Variants in LDAH observed in about 807,000 individuals in gnomAD.
LDAH encodes the protein lipid droplet associated hydrolase.
Under a neutral mutation model 29.6 loss-of-function variants are expected in LDAH, and 26 were observed. The observed-to-expected ratio is 0.88, with a 90% CI of 0.64 to 1.22. The LOEUF (loss-of-function observed/expected upper bound fraction) is 1.22. Among genes scored for constraint, LDAH ranks in the 50% most tolerant of loss-of-function variants. LDAH has a pLI of 0.00. For missense variants in LDAH, 344 were observed against 387.3 expected (o/e 0.89, Z 0.94); for synonymous variants, 117 against 133.0 (o/e 0.88, Z 0.83).
At chr2:20,762,622 T>C (rs781037793) in intron 4 of LDAH, among the ~76,000 whole-genome samples, 22 of 152,232 alleles carry the variant, frequency 1.4e-4, no homozygotes, top group Non-Finnish European at 3.2e-4. Context: ...AGTATACTAC[T>C]ATATACTAAT....
chr2:20,822,129 CTT>C (rs11315806), intron 1 of LDAH, among the ~76,000 whole-genome samples: 198 of 136,652 alleles, frequency 1.4e-3, no homozygotes, highest in Non-Finnish European at 1.6e-3. Flanking sequence ...ACTATCAACT[CTT>C]TTTTTTTTTT....
At chr2:20,741,995 T>C (rs682961) in intron 4 of LDAH, among the ~76,000 whole-genome samples, 90,193 of 152,026 alleles carry the variant, frequency 0.59, 28,129 homozygotes, top group South Asian at 0.8. Flanking sequence ...TGCAGCATCC[T>C]ATAAATTTTG....
intron 2 of LDAH, among the ~76,000 whole-genome samples, chr2:20,798,094 C>T (rs970583936): frequency 6.6e-6 from 1 of 152,190 alleles, no homozygotes; most frequent in African/African-American, 2.4e-5. Context: ...CCATTAACGC[C>T]CTCCATTTTC....
Position 20,685,777 on chromosome 2 carries a change from AT to A in LDAH, c.*1125del, listed in dbSNP as rs1272480234. On this transcript the variant is annotated 3_prime_UTR_variant, in exon 7 of 7. Transcript: ENST00000237822. ...GTCAGCCCACTCTAGGCCAGGGAAT[AT>A]GTGTCTTCTCTGCCATACCTCAATG... 1 of 1,236,346 alleles carries A rather than the reference AT, an allele frequency of 8.1e-7. No homozygotes were observed. Among genetic ancestry groups the A allele is most frequent in the African/African-American group, 1.5e-5 (1 of 66,072 alleles). The allele number at this position is 1,236,346 out of a possible 1,614,324, so 76.6% of individuals were successfully genotyped here. A position where few individuals can be genotyped will look rare whatever the true frequency, so the allele number is the denominator to read the frequency against.
intron 5 of LDAH, among the ~76,000 whole-genome samples, chr2:20,721,693 A>G (rs1665661879): frequency 6.6e-6 from 1 of 152,204 alleles, no homozygotes; most frequent in Non-Finnish European, 1.5e-5. Context: ...TTGGGAATGT[A>G]AAGTAGTATA....
intron 6 of LDAH, among the ~76,000 whole-genome samples, chr2:20,690,626 G>A (rs340597): frequency 0.082 from 12,534 of 152,150 alleles, 582 homozygotes; most frequent in African/African-American, 0.13. Context: ...AGATCTGACC[G>A]GAGAACTCCG....
chr2:20,795,996 C>G (rs1056610761), intron 2 of LDAH, among the ~76,000 whole-genome samples: 4 of 147,520 alleles, frequency 2.7e-5, no homozygotes, highest in Non-Finnish European at 6.0e-5. Context: ...AAATACAATT[C>G]TAAATCCCAC....
At chr2:20,767,185 G>A (rs1289062334) in intron 4 of LDAH, among the ~76,000 whole-genome samples, 1 of 152,208 alleles carries the variant, frequency 6.6e-6, no homozygotes, top group Non-Finnish European at 1.5e-5. Flanking sequence ...GTGAGGGGGT[G>A]CAGCTGGGCT....
At chr2:20,814,235 G>A (rs1007634772) in intron 1 of LDAH, among the ~76,000 whole-genome samples, 5 of 150,336 alleles carry the variant, frequency 3.3e-5, no homozygotes, top group African/African-American at 9.8e-5. Flanking sequence ...ACAATGGGGG[G>A]GGGGGGTCCA....
intron 4 of LDAH, among the ~76,000 whole-genome samples, chr2:20,762,022 T>C (rs1207814406): frequency 4.6e-5 from 7 of 152,018 alleles, no homozygotes; most frequent in South Asian, 2.1e-4. Context: ...ATCAAGCTTT[T>C]CCATGTGTGA....
intron 4 of LDAH, among the ~76,000 whole-genome samples, chr2:20,743,554 A>C (rs1667353561): frequency 6.6e-6 from 1 of 152,146 alleles, no homozygotes; most frequent in African/African-American, 2.4e-5. Context: ...ATAACATATA[A>C]ACATACAAAA....
chr2:20,814,116 A>G (rs963400101), intron 1 of LDAH, among the ~76,000 whole-genome samples: 1 of 152,084 alleles, frequency 6.6e-6, no homozygotes, highest in Non-Finnish European at 1.5e-5. Flanking sequence ...TAATACAGAA[A>G]CCATCTTTTC....
chr2:20,768,715 T>C (rs1194124214), intron 4 of LDAH, among the ~76,000 whole-genome samples: 1 of 152,188 alleles, frequency 6.6e-6, no homozygotes, highest in East Asian at 1.9e-4. Flanking sequence ...AAAGATCCTG[T>C]AACACTCCTT....
chr2:20,805,264 C>T (rs1671983279), intron 1 of LDAH, among the ~76,000 whole-genome samples: 1 of 152,150 alleles, frequency 6.6e-6, no homozygotes, highest in Admixed American at 6.5e-5. Context: ...TCTAACACCT[C>T]AAATAAAATA....
Position 20,686,203 on chromosome 2 carries a change from A to C in LDAH, c.*700T>G, listed in dbSNP as rs1265504110. The C allele has an allele frequency of 6.5e-5, 10 of 153,184 alleles. No homozygotes were observed. The highest frequency in any genetic ancestry group is 2.9e-5 in the Non-Finnish European group (2 of 68,536). 9.5% of individuals were successfully genotyped at this position (153,184 alleles called of 1,614,324 possible). A position where few individuals can be genotyped will look rare whatever the true frequency, so the allele number is the denominator to read the frequency against. Reference sequence around the variant, plus strand: ...CTGGGAGGCTAAGGCTCAGCATAGAACTTGCTGGTTGTCCTGTGGCAGGAG... The same window carrying C: ...CTGGGAGGCTAAGGCTCAGCATAGACCTTGCTGGTTGTCCTGTGGCAGGAG... On this transcript the variant is annotated 3_prime_UTR_variant, in exon 7 of 7. Transcript: ENST00000237822.
At chr2:20,732,894 GGTCTCACTAT>G (rs60475740) in intron 5 of LDAH, among the ~76,000 whole-genome samples, 28,535 of 151,554 alleles carry the variant, frequency 0.19, 2,952 homozygotes, top group Admixed American at 0.25. Context: ...GTAGAGACAG[GGTCTCACTAT>G]GTCGCCTAGG....
intron 4 of LDAH, among the ~76,000 whole-genome samples, chr2:20,768,779 C>T (rs1170118226): frequency 1.3e-5 from 2 of 152,222 alleles, no homozygotes. Context: ...TCTCTTTTCT[C>T]AACAATTTCC....
intron 1 of LDAH, among the ~76,000 whole-genome samples, chr2:20,816,292 T>C (rs1045061332): frequency 1.6e-4 from 24 of 152,152 alleles, no homozygotes; most frequent in African/African-American, 5.5e-4. Context: ...TACTTTTAAG[T>C]GTAAATGATA....
At chr2:20,757,572 C>T (rs112404326) in intron 4 of LDAH, among the ~76,000 whole-genome samples, 2,371 of 152,238 alleles carry the variant, frequency 0.016, 27 homozygotes, top group Middle Eastern at 0.027. Flanking sequence ...TTTTACATGT[C>T]AGCTTGACTG....
Sources: gnomAD v4.1 joint callset for allele counts (sites outside exome capture counted in the v4.1 genomes callset) on GRCh38, gnomAD v4.1.1 for gene constraint, MANE v1.5 for transcripts, NCBI Gene and HGNC (gene_info 2026-07-23, HGNC 2026-07-21) for gene names.